Variants in TOM1 observed in about 807,000 individuals in gnomAD.
TOM1 encodes target of Myb protein 1.
A neutral mutation model predicts 61.3 loss-of-function variants in TOM1; 38 were observed. The observed-to-expected ratio is 0.62, with a 90% CI of 0.48 to 0.81. The LOEUF (loss-of-function observed/expected upper bound fraction) is 0.81. TOM1 is among the 40% of genes least tolerant of loss of function. The pLI, the probability that TOM1 is intolerant of heterozygous loss-of-function variation, is 0.00. For synonymous variants in TOM1, 270 were observed against 268.8 expected, an observed-to-expected ratio of 1.00 and a Z score of -0.04; for missense variants, 591 against 659.6, an observed-to-expected ratio of 0.90 and a Z score of 1.14.
chr22:35,338,816 T>TGG (rs1929618312), intron 12 of TOM1, 28 bp downstream of exon 12: 2 of 1,545,846 alleles, frequency 1.3e-6, no homozygotes, highest in Non-Finnish European at 8.7e-7. Context: ...CCTGCCACCC[T>TGG]GGGGCCCTCC....
At chr22:35,314,581 C>T (rs1375010439) in intron 1 of TOM1, among the ~76,000 whole-genome samples, 1 of 152,216 alleles carries the variant, frequency 6.6e-6, no homozygotes, top group Non-Finnish European at 1.5e-5. Context: ...TCCTGAAACA[C>T]TGATGTTCCC....
intron 7 of TOM1, among the ~76,000 whole-genome samples, chr22:35,327,988 G>A (rs147130709): frequency 6.6e-6 from 1 of 152,302 alleles, no homozygotes; most frequent in Non-Finnish European, 1.5e-5. Context: ...GCCAGTCATA[G>A]AGGCACCAAG....
chr22:35,338,694 T>A lies in TOM1; in HGVS notation c.1149-19T>A, dbSNP rs374257520. On this transcript the variant is annotated intron_variant, in intron 11 of 14. Transcript: ENST00000449058. The stretch of plus-strand genomic sequence containing the variant: ...ATCGGTAAGGGCAGCATCCAATGGC[T>A]TGGTGGTCTCTCTTTCAGGGTAAAA... 9 of 1,536,574 alleles carry A rather than the reference T, an allele frequency of 5.9e-6. No homozygotes were observed. The African/African-American group carries it at 1.1e-4, about 19-fold the overall frequency.
chr22:35,330,614 G>A (rs940057578), intron 8 of TOM1, 134 bp downstream of exon 8: 3 of 903,370 alleles, frequency 3.3e-6, no homozygotes, highest in African/African-American at 3.5e-5. Context: ...GGCTCCTAAG[G>A]GCCTGTGCCC....
intron 10 of TOM1, 32 bp downstream of exon 10, chr22:35,333,529 G>A (rs1246093145): frequency 6.3e-7 from 1 of 1,594,882 alleles, no homozygotes; most frequent in Non-Finnish European, 8.6e-7. Context: ...CCAGCTGAGG[G>A]TACATTATGG....
chr22:35,319,474 A>G (rs1230608938), intron 2 of TOM1, among the ~76,000 whole-genome samples: 1 of 152,192 alleles, frequency 6.6e-6, no homozygotes, highest in Admixed American at 6.5e-5. Flanking sequence ...CTCCCAGCAG[A>G]GTACCGGACA....
At chr22:35,337,294 C>A (rs555498412) in intron 11 of TOM1, among the ~76,000 whole-genome samples, 1 of 152,308 alleles carries the variant, frequency 6.6e-6, no homozygotes, top group Admixed American at 6.5e-5. Context: ...GGCATGGCTT[C>A]TTCAGCCTTG....
At chr22:35,322,949 G>T in intron 3 of TOM1, 79 bp from the exon 4 acceptor site, 1 of 1,554,268 alleles carries the variant, frequency 6.4e-7, no homozygotes, top group Non-Finnish European at 8.7e-7. Flanking sequence ...TGGGACACAG[G>T]AGGAGCCACG....
intron 1 of TOM1, among the ~76,000 whole-genome samples, chr22:35,311,863 CATG>C (rs1233379116): frequency 6.6e-6 from 1 of 152,192 alleles, no homozygotes; most frequent in Non-Finnish European, 1.5e-5. Flanking sequence ...CATTGTTCTC[CATG>C]ATGTTGTTAT....
intron 1 of TOM1, among the ~76,000 whole-genome samples, chr22:35,300,628 C>T (rs1925668281): frequency 1.3e-5 from 2 of 152,200 alleles, no homozygotes; most frequent in Non-Finnish European, 2.9e-5. Context: ...CTGGTCAGCC[C>T]ATCTCGGTGC....
In TOM1 at chr22:35,334,368, G is replaced by A; in HGVS notation, c.1068G>A (p.Leu356=). The change falls in exon 11 of 15, where the codon CTG becomes CTA. Residue 356 remains leucine (L), a synonymous_variant. Transcript: ENST00000449058. ...SSSVRAGLQS[L]EASGRLEDEF... is the part of the protein sequence containing the mutation. ...GTGTGAGAGCTGGCCTGCAGTCTCT[G>A]GAGGCCTCTGGTCGACTGGAAGATG... 6.2e-7 allele frequency: 1 copy of A among 1,614,146 alleles called. No individual in the cohort carries two copies. Among genetic ancestry groups the A allele is most frequent in the Non-Finnish European group, 8.5e-7 (1 of 1,179,996 alleles).
At position 35,323,943 on chromosome 22, in the gene TOM1, G is replaced by A; in HGVS notation, c.648+29G>A. On this transcript the variant is annotated intron_variant, in intron 6 of 14. Transcript: ENST00000449058. The surrounding 1 kb of genome is among the most constrained non-coding windows in gnomAD (Gnocchi z 4.2). ...AACGAGCCTGGGGTCAGAACCGTCA[G>A]GTCCAGGCAGGTGGGCCACACACGT... is the stretch of plus-strand genomic sequence containing the variant. The A allele has an allele frequency of 6.6e-7, 1 of 1,519,642 alleles. No homozygotes were observed. Among genetic ancestry groups the A allele is most frequent in the Non-Finnish European group, 8.8e-7 (1 of 1,132,194 alleles). The allele number at this position is 1,519,642 out of a possible 1,614,324, so 94.1% of individuals were successfully genotyped here. A position where few individuals can be genotyped will look rare whatever the true frequency, so the allele number is the denominator to read the frequency against.
At chr22:35,321,031 A>G (rs1193620140) in intron 2 of TOM1, among the ~76,000 whole-genome samples, 6 of 150,072 alleles carry the variant, frequency 4.0e-5, no homozygotes, top group Admixed American at 2.6e-4. Context: ...GGACAGATAG[A>G]GCAGCTGGCC....
intron 8 of TOM1, among the ~76,000 whole-genome samples, chr22:35,332,766 T>C (rs1165918604): frequency 2.0e-5 from 3 of 152,188 alleles, no homozygotes; most frequent in Non-Finnish European, 4.4e-5. Context: ...ATCATCCAAA[T>C]TGGGACACTT....
intron 6 of TOM1, among the ~76,000 whole-genome samples, chr22:35,326,026 T>C (rs1483919557): frequency 1.3e-5 from 2 of 152,218 alleles, no homozygotes; most frequent in Admixed American, 6.5e-5. Flanking sequence ...CAGTGAACCA[T>C]AGTGGATATA....
chr22:35,314,910 A>C (rs1401801842), intron 1 of TOM1, among the ~76,000 whole-genome samples: 1 of 152,228 alleles, frequency 6.6e-6, no homozygotes, highest in Non-Finnish European at 1.5e-5. Context: ...TGCACACCTT[A>C]CAGTGTGTTA....
At chr22:35,332,929 TG>T (rs1928963368) in intron 8 of TOM1, 51 bp from the exon 9 acceptor site, 1 of 1,596,172 alleles carries the variant, frequency 6.3e-7, no homozygotes, top group African/African-American at 1.3e-5. Context: ...TGGCCGTGTG[TG>T]GGGGCCTGTC....
At chr22:35,346,762 G>A (rs1268471636) in intron 13 of TOM1, among the ~76,000 whole-genome samples, 168 bp from the exon 14 acceptor site, 2 of 152,186 alleles carry the variant, frequency 1.3e-5, no homozygotes, top group Admixed American at 1.3e-4. Context: ...TACGGCTCAG[G>A]GAGGAGCCCA....
chr22:35,317,841 C>T (rs761791915), intron 1 of TOM1, 36 bp from the exon 2 acceptor site: 4 of 1,550,558 alleles, frequency 2.6e-6, no homozygotes, highest in African/African-American at 2.7e-5. Context: ...CATTCAGGAC[C>T]CCCTCATGAC....
Sources: allele counts gnomAD v4.1 joint callset (sites outside exome capture counted in the v4.1 genomes callset), GRCh38; gene constraint gnomAD v4.1.1; non-coding constraint Gnocchi (gnomAD v3.1); transcripts MANE v1.5; gene names NCBI Gene and HGNC (gene_info 2026-07-23, HGNC 2026-07-21).